CR1: variants seen among roughly 807,000 people sequenced by gnomAD.
The protein encoded by CR1 is complement C3b/C4b receptor 1 (Knops blood group), also known as complement receptor type 1.
In CR1, 116 loss-of-function variants were observed where a neutral mutation model predicts 187.3. The ratio of observed to expected loss-of-function variants is 0.62; its 90% confidence interval spans 0.53 to 0.72. The LOEUF (loss-of-function observed/expected upper bound fraction) is 0.72, where lower values mean the gene tolerates loss of function less well. CR1 is among the 30% of genes least tolerant of loss of function. The pLI, the probability that CR1 is intolerant of heterozygous loss-of-function variation, is 0.00. For missense variants in CR1, 1,731 were observed against 2,110.7 expected (o/e 0.82, Z 3.52); for synonymous variants, 576 against 747.1 (o/e 0.77, Z 3.73).
intron 42 of CR1, among the ~76,000 whole-genome samples, chr1:207,618,872 T>C (rs1327533191): frequency 1.2e-4 from 17 of 137,506 alleles, no homozygotes; most frequent in South Asian, 2.4e-4. Flanking sequence ...GAAACCCCGT[T>C]TCTACTAAAA....
intron 42 of CR1, 62 bp from the exon 43 acceptor site, chr1:207,619,818 C>G: frequency 6.9e-7 from 1 of 1,442,274 alleles, no homozygotes; most frequent in Non-Finnish European, 9.4e-7. Context: ...CTCCTATTCT[C>G]GCAGTTAAAA....
At position 207,616,604 on chromosome 1, in the gene CR1, C is replaced by T. The variant is rs779879645; in HGVS notation, c.6691C>T (p.Leu2231Phe). The change falls in exon 41 of 47, where the codon CTT (leucine) becomes TTT (phenylalanine). Residue 2231 changes from leucine to phenylalanine, a missense_variant. Physicochemically the swap from Leu to Phe is conservative, Grantham distance 22. Transcript: ENST00000367049. The part of the protein sequence containing the change: ...QIFCPNPPAI[L>F]NGRHTGTPFG... Reference sequence around the variant, plus strand: ...CTTTTGTCCAAATCCTCCAGCTATCCTTAATGGGAGACACACAGGAACTCC... The same window carrying T: ...CTTTTGTCCAAATCCTCCAGCTATCTTTAATGGGAGACACACAGGAACTCC... The T allele has an allele frequency of 1.9e-6, 3 of 1,613,690 alleles. No individual in the cohort carries two copies. Among genetic ancestry groups the T allele is most frequent in the Non-Finnish European group, 2.5e-6 (3 of 1,179,666 alleles).
intron 45 of CR1, among the ~76,000 whole-genome samples, chr1:207,624,616 T>C (rs527254518): frequency 7.9e-5 from 12 of 152,344 alleles, no homozygotes; most frequent in South Asian, 4.1e-4. Flanking sequence ...GGAAAAATAC[T>C]GAATTGGTAG....
intron 1 of CR1, among the ~76,000 whole-genome samples, chr1:207,496,994 G>A (rs912235331): frequency 6.6e-6 from 1 of 152,136 alleles, no homozygotes; most frequent in Non-Finnish European, 1.5e-5. Context: ...AGCAGTCCTA[G>A]GGATGCAGGT....
chr1:207,577,700 T>C, intron 28 of CR1, 105 bp from the exon 29 acceptor site: 3 of 1,530,078 alleles, frequency 2.0e-6, no homozygotes, highest in Non-Finnish European at 2.7e-6. Flanking sequence ...ACCTGGGAAG[T>C]AGAGGTTGCA....
At chr1:207,586,855 A>C (rs1362109556) in intron 33 of CR1, among the ~76,000 whole-genome samples, 1 of 152,190 alleles carries the variant, frequency 6.6e-6, no homozygotes, top group Non-Finnish European at 1.5e-5. Flanking sequence ...TCTTAATTCT[A>C]TCTGAAAAAC....
In CR1 at chr1:207,575,571, T is replaced by G. The variant is rs780710475; in HGVS notation, c.4452-24T>G. On this transcript the variant is annotated intron_variant, in intron 27 of 46. Transcript: ENST00000367049. ...AGTTGATGAGGTATGTACAGGACAA[T>G]GATTTTCCATTTTTTGCCTTTAGGC... 7 of 1,611,808 alleles carry G rather than the reference T, an allele frequency of 4.3e-6. No individual in the cohort carries two copies. The East Asian group carries it at 1.6e-4, about 36-fold the overall frequency.
chr1:207,610,162 C>T (rs12032275), intron 37 of CR1, among the ~76,000 whole-genome samples: 29,263 of 152,034 alleles, frequency 0.19, 3,137 homozygotes, highest in South Asian at 0.43. Context: ...TCAACTTCAA[C>T]TTTTTCTCAT....
chr1:207,602,027 A>G (rs1423847888), intron 35 of CR1, among the ~76,000 whole-genome samples: 1 of 152,092 alleles, frequency 6.6e-6, no homozygotes, highest in African/African-American at 2.4e-5. Flanking sequence ...TAGCCTCTGA[A>G]GTTGCACACT....
intron 2 of CR1, 100 bp downstream of exon 2, chr1:207,506,183 G>C: frequency 7.3e-7 from 1 of 1,377,686 alleles, no homozygotes; most frequent in Admixed American, 2.0e-5. Flanking sequence ...ATGACAATTA[G>C]TTTGCCAAGG....
chr1:207,580,486 C>CTTTTTTTTTTTT, intron 30 of CR1, 25 bp from the exon 31 acceptor site: 2 of 1,378,386 alleles, frequency 1.5e-6, no homozygotes, highest in East Asian at 2.4e-5. Context: ...CCTATTTTTT[C>CTTTTTTTTTTTT]TTTTTTTTTT....
intron 46 of CR1, among the ~76,000 whole-genome samples, chr1:207,635,912 G>C (rs1393827770): frequency 3.3e-5 from 5 of 152,288 alleles, no homozygotes; most frequent in East Asian, 1.9e-4. Context: ...ACCCTGAGTT[G>C]ACACAGCACA....
At chr1:207,572,541 C>T (rs1370918198) in intron 27 of CR1, among the ~76,000 whole-genome samples, 1 of 151,772 alleles carries the variant, frequency 6.6e-6, no homozygotes, top group Non-Finnish European at 1.5e-5. Context: ...TAATAGACTA[C>T]CATATAGTAT....
intron 1 of CR1, among the ~76,000 whole-genome samples, chr1:207,499,311 C>A (rs545620299): frequency 1.0e-3 from 153 of 152,238 alleles, no homozygotes; most frequent in Non-Finnish European, 1.2e-3. Context: ...GAAGACGTAA[C>A]AATATCCCAT....
chr1:207,611,102 AT>A (rs1661917408), intron 37 of CR1, among the ~76,000 whole-genome samples: 1 of 149,418 alleles, frequency 6.7e-6, no homozygotes, highest in Non-Finnish European at 1.5e-5. Flanking sequence ...TATCCCCACG[AT>A]TTTGTTCTTG....
chr1:207,591,490 G>C (rs1319669426), intron 35 of CR1, among the ~76,000 whole-genome samples: 3 of 142,922 alleles, frequency 2.1e-5, no homozygotes, highest in African/African-American at 7.3e-5. Context: ...ATGCCCACAG[G>C]AGAAAGCAGA....
intron 29 of CR1, among the ~76,000 whole-genome samples, chr1:207,578,485 A>G (rs1382666336): frequency 6.6e-6 from 1 of 152,246 alleles, no homozygotes; most frequent in Non-Finnish European, 1.5e-5. Flanking sequence ...TCTCTCAAGT[A>G]TATTGAAAAA....
chr1:207,611,644 C>G (rs1280983374), intron 37 of CR1, 33 bp from the exon 38 acceptor site: 3 of 1,610,660 alleles, frequency 1.9e-6, no homozygotes, highest in African/African-American at 2.7e-5. Flanking sequence ...TGCCCCATAT[C>G]TAACAAGTGC....
intron 4 of CR1, among the ~76,000 whole-genome samples, chr1:207,521,426 T>C (rs970755678): frequency 6.6e-6 from 1 of 152,134 alleles, no homozygotes; most frequent in Admixed American, 6.6e-5. Flanking sequence ...TTTATTCTTC[T>C]ATGTATTTAG....
Sources: allele counts gnomAD v4.1 joint callset (sites outside exome capture counted in the v4.1 genomes callset), GRCh38; gene constraint gnomAD v4.1.1; transcripts MANE v1.5; gene names NCBI Gene and HGNC (gene_info 2026-07-23, HGNC 2026-07-21).